Variants in ENPP2 observed in about 807,000 individuals in gnomAD.
The protein encoded by ENPP2 is autotaxin.
ENPP2 carries 51 observed loss-of-function variants against 120.2 expected under a neutral mutation model. The ratio of observed to expected loss-of-function variants is 0.42; its 90% CI spans 0.34 to 0.54. ENPP2 has a LOEUF of 0.54. ENPP2 is among the 20% of genes least tolerant of loss of function. The pLI, the probability that ENPP2 is intolerant of heterozygous loss-of-function variation, is 0.04. For missense variants in ENPP2, 920 were observed against 1,066.5 expected, an observed-to-expected ratio of 0.86 and a Z score of 1.91; for synonymous variants, 365 against 366.4, an observed-to-expected ratio of 1.00 and a Z score of 0.04.
chr8:119,629,652 C>T (rs1191481693), intron 2 of ENPP2, among the ~76,000 whole-genome samples: 5 of 152,138 alleles, frequency 3.3e-5, no homozygotes, highest in African/African-American at 4.8e-5. Context: ...ACAAACCGTA[C>T]GAGTTCAGTT....
chr8:119,619,095 G>C (rs1330835812), intron 5 of ENPP2, 149 bp downstream of exon 5: 2 of 617,752 alleles, frequency 3.2e-6, no homozygotes, highest in Non-Finnish European at 5.7e-6. Context: ...TCAACCTTTC[G>C]ACTCATGAAT....
chr8:119,560,953 T>C (rs1356670705), intron 24 of ENPP2, among the ~76,000 whole-genome samples: 3 of 152,196 alleles, frequency 2.0e-5, no homozygotes, highest in African/African-American at 4.8e-5. Context: ...GTAGAGGACC[T>C]ACACATAATC....
At chr8:119,622,986 T>C (rs775377542) in intron 3 of ENPP2, among the ~76,000 whole-genome samples, 4 of 152,004 alleles carry the variant, frequency 2.6e-5, no homozygotes, top group Non-Finnish European at 5.9e-5. Context: ...TAGGGTGAAA[T>C]AGGTGCTACT....
chr8:119,602,490 A>G (rs1006137337), intron 9 of ENPP2, among the ~76,000 whole-genome samples: 14 of 151,694 alleles, frequency 9.2e-5, no homozygotes, highest in African/African-American at 3.4e-4. Flanking sequence ...AGGCACATAT[A>G]ATTAAGAGAC....
At position 119,575,833 on chromosome 8, in the gene ENPP2, A is replaced by G. The variant is rs540748818; in HGVS notation, c.1780+4283T>C. Among the ~76,000 whole-genome samples, 10 of 152,354 alleles carry G rather than the reference A, an allele frequency of 6.6e-5. 1 individual carries two copies. Among genetic ancestry groups the G allele is most frequent in the African/African-American group, 2.2e-4 (9 of 41,590 alleles). On this transcript the variant is annotated intron_variant, in intron 19 of 24. Transcript: ENST00000075322. Reference sequence around the variant, plus strand: ...ATACTGGCAAAGAATATTGCTAGGTAAAAGTTGTTAAAATTCAATCTACCA... The same window carrying G: ...ATACTGGCAAAGAATATTGCTAGGTGAAAGTTGTTAAAATTCAATCTACCA...
rs529082446 is a variant in ENPP2, at chr8:119,623,122, G to A, written c.293-1603C>T. ...ATTTTTAAAGCAATCCTGCCTCTTA[G>A]TAATATTCTACCAAGAGAAACAACT... On this transcript the variant is annotated intron_variant, in intron 3 of 24. Coordinates refer to ENST00000075322, the MANE Select transcript of ENPP2 (RefSeq NM_001040092.3). Among the ~76,000 whole-genome samples, 4 of 152,250 alleles carry A rather than the reference G, an allele frequency of 2.6e-5. No homozygotes were observed. The South Asian group carries it at 6.2e-4, about 24-fold the overall frequency.
chr8:119,631,321 A>C (rs1352405936), intron 2 of ENPP2, among the ~76,000 whole-genome samples: 1 of 136,354 alleles, frequency 7.3e-6, no homozygotes, highest in Non-Finnish European at 1.5e-5. Context: ...GGTTCACACC[A>C]TTCTCCTGCC....
chr8:119,624,197 T>C (rs77655953), intron 3 of ENPP2, among the ~76,000 whole-genome samples: 10,429 of 152,268 alleles, frequency 0.068, 489 homozygotes, highest in South Asian at 0.16. Flanking sequence ...GGAACTATTG[T>C]CTTTATGTAC....
At chr8:119,623,609 G>GT (rs778134872) in intron 3 of ENPP2, among the ~76,000 whole-genome samples, 15 of 152,012 alleles carry the variant, frequency 9.9e-5, no homozygotes, top group Non-Finnish European at 1.6e-4. Context: ...TGATTCTGCT[G>GT]TCTGATATTT....
intron 9 of ENPP2, 22 bp downstream of exon 9, chr8:119,607,900 T>A: frequency 6.7e-7 from 1 of 1,501,754 alleles, no homozygotes; most frequent in Non-Finnish European, 9.1e-7. Context: ...TTATAAACAT[T>A]GACAAAATAA....
rs1813559579 is a variant in ENPP2 at position 119,557,517 on chromosome 8, A to G, written c.*4T>C. The G allele has an allele frequency of 6.2e-7, 1 of 1,610,134 alleles. No individual in the cohort carries two copies. Among genetic ancestry groups the G allele is most frequent in the Non-Finnish European group, 8.5e-7 (1 of 1,178,450 alleles). On this transcript the variant is annotated 3_prime_UTR_variant, in exon 25 of 25. Coordinates refer to ENST00000075322, the MANE Select transcript of ENPP2 (RefSeq NM_001040092.3). ...ATAAGACTGTACTGCAGATGCTCAGAAAGTTAAATCTCGCTCTCATATGTA... is the reference window on the plus strand; with the variant it reads ...ATAAGACTGTACTGCAGATGCTCAGGAAGTTAAATCTCGCTCTCATATGTA...
chr8:119,557,506 C>G lies in ENPP2; in HGVS notation c.*15G>C, dbSNP rs887214102. 2 of 1,600,906 alleles carry G rather than the reference C, an allele frequency of 1.2e-6. No homozygotes were observed. Among genetic ancestry groups the G allele is most frequent in the Non-Finnish European group, 1.7e-6 (2 of 1,170,876 alleles). ...ACAACCAGTTGATAAGACTGTACTG[C>G]AGATGCTCAGAAAGTTAAATCTCGC... On this transcript the variant is annotated 3_prime_UTR_variant, in exon 25 of 25. Transcript: ENST00000075322.
chr8:119,608,845 A>T (rs895132994), intron 8 of ENPP2, among the ~76,000 whole-genome samples: 1 of 152,220 alleles, frequency 6.6e-6, no homozygotes. Context: ...CATCTGGCAA[A>T]CACTCGATAA....
At chr8:119,584,320 G>A (rs1812957575) in intron 15 of ENPP2, among the ~76,000 whole-genome samples, 2 of 152,104 alleles carry the variant, frequency 1.3e-5, no homozygotes, top group Admixed American at 6.5e-5. Flanking sequence ...TAGGGCACTT[G>A]TCAAAAGTCA....
chr8:119,637,814 T>A (rs74705181), intron 2 of ENPP2, among the ~76,000 whole-genome samples: 3,136 of 152,238 alleles, frequency 0.021, 108 homozygotes, highest in African/African-American at 0.071. Flanking sequence ...AAAAAGAAAC[T>A]CTTTCACTTT....
At chr8:119,561,939 C>A (rs1392827909) in intron 24 of ENPP2, among the ~76,000 whole-genome samples, 1 of 151,530 alleles carries the variant, frequency 6.6e-6, no homozygotes, top group Non-Finnish European at 1.5e-5. Context: ...GAGATTGAGA[C>A]CATCCTGGCT....
intron 21 of ENPP2, 112 bp downstream of exon 21, chr8:119,569,123 T>C: frequency 1.0e-6 from 1 of 995,034 alleles, no homozygotes; most frequent in Non-Finnish European, 1.5e-6. Flanking sequence ...ATTTAGATAA[T>C]CTTCTGAGCA....
chr8:119,562,879 G>A lies in ENPP2; in HGVS notation c.2399C>T (p.Pro800Leu). 3 of 1,614,160 alleles carry A rather than the reference G, an allele frequency of 1.9e-6. No homozygotes were observed. The highest frequency in any genetic ancestry group is 1.3e-5 in the African/African-American group (1 of 75,062). ...CACATTGCAGCTCTCCTCGTTGTCA[G>A]GCCGGTGAGGCAGGATGAAGGAGGA... ...SVSSFILPHR[P>L]DNEESCNSSE... The change falls in exon 24 of 25, where the codon CCT becomes CTT. Residue 800 changes from proline (P) to leucine (L), a missense_variant. Physicochemically the swap from Pro to Leu is moderately conservative, Grantham distance 98. Transcript: ENST00000075322.
intron 1 of ENPP2, among the ~76,000 whole-genome samples, chr8:119,656,735 A>G (rs190700071): frequency 1.3e-4 from 20 of 152,304 alleles, no homozygotes; most frequent in African/African-American, 4.6e-4. Context: ...TAAGGCAGTT[A>G]GAATTATCAT....
Sources: allele counts gnomAD v4.1 joint callset (sites outside exome capture counted in the v4.1 genomes callset), GRCh38; gene constraint gnomAD v4.1.1; transcripts MANE v1.5; gene names NCBI Gene and HGNC (gene_info 2026-07-23, HGNC 2026-07-21).